Variants in ZNF704 observed in about 807,000 individuals in gnomAD.
ZNF704 encodes the protein glucocorticoid induced gene 1.
In ZNF704, 10 loss-of-function variants were observed where a neutral mutation model predicts 44.7. That is an observed-to-expected ratio of 0.22 (90% CI 0.14 to 0.38). The LOEUF is 0.38. Ranked by LOEUF, ZNF704 falls within the 10% of genes least tolerant of loss-of-function variation. The probability of loss-of-function intolerance (pLI) is 1.00; values close to 1 mark genes in which losing one functional copy is unlikely to be tolerated. For synonymous variants in ZNF704, 211 were observed against 207.6 expected (o/e 1.02, Z -0.14); for missense variants, 390 against 545.5 (o/e 0.71, Z 2.84).
intron 2 of ZNF704, among the ~76,000 whole-genome samples, chr8:80,741,864 T>C (rs1806763598): frequency 6.6e-6 from 1 of 152,132 alleles, no homozygotes; most frequent in African/African-American, 2.4e-5. Context: ...GATAATAGAA[T>C]ACTTGAAAGT....
chr8:80,809,511 T>C (rs1026528011), intron 2 of ZNF704, among the ~76,000 whole-genome samples: 5 of 152,290 alleles, frequency 3.3e-5, no homozygotes, highest in African/African-American at 1.2e-4. Context: ...AAGTGAGTGT[T>C]TGCCAAATCC....
At chr8:80,829,686 G>A (rs936638299) in intron 1 of ZNF704, among the ~76,000 whole-genome samples, 11 of 152,108 alleles carry the variant, frequency 7.2e-5, no homozygotes, top group African/African-American at 2.7e-4. Flanking sequence ...TGTATGTCAT[G>A]CATGCTCTTA....
intron 2 of ZNF704, among the ~76,000 whole-genome samples, chr8:80,817,369 G>A (rs929516640): frequency 1.1e-4 from 17 of 152,348 alleles, no homozygotes; most frequent in African/African-American, 3.8e-4. Context: ...AGCAAATGAT[G>A]GAGTACAGCA....
At chr8:80,682,136 T>A (rs1340717029) in intron 4 of ZNF704, among the ~76,000 whole-genome samples, 1 of 152,204 alleles carries the variant, frequency 6.6e-6, no homozygotes, top group Non-Finnish European at 1.5e-5. Flanking sequence ...GGGTTAGGAA[T>A]TAAGTCAGCA....
rs960421738 is a variant in ZNF704 at position 80,874,174 on chromosome 8, C to T, written c.-22+397G>A. 2.7e-5 allele frequency among the ~76,000 whole-genome samples: 4 copies of T among 146,384 alleles called. No individual in the cohort carries two copies. Among genetic ancestry groups the T allele is most frequent in the African/African-American group, 4.9e-5 (2 of 40,834 alleles). On this transcript the variant is annotated intron_variant, in intron 1 of 8. Transcript: ENST00000327835. This position sits in a 1 kb window ranked among gnomAD's most constrained non-coding sequence, Gnocchi z 4.4. ...GCAAGGGGCTGCAGGAGCCGCCGGC[C>T]AGGACCCGCGGCTGCCACTGGCTGC...
chr8:80,772,962 T>G (rs577414679), intron 2 of ZNF704, among the ~76,000 whole-genome samples: 1 of 152,346 alleles, frequency 6.6e-6, no homozygotes, highest in South Asian at 2.1e-4. Context: ...TTTCATTTAG[T>G]ATAATGCATT....
chr8:80,784,129 T>C (rs1807577670), intron 2 of ZNF704, among the ~76,000 whole-genome samples: 1 of 152,200 alleles, frequency 6.6e-6, no homozygotes, highest in African/African-American at 2.4e-5. Flanking sequence ...CACTGAATGG[T>C]ATTCCATTTC....
Position 80,640,489 on chromosome 8 carries a change from T to C in ZNF704, c.*877A>G, listed in dbSNP as rs369168405. ...AGTAACAAATAGCTCCGAGTTGCCA[T>C]TTGTGTCACATCCCTGAAAGAAGCA... On this transcript the variant is annotated 3_prime_UTR_variant, in exon 9 of 9. Transcript: ENST00000327835. 3.0e-4 allele frequency: 45 copies of C among 152,352 alleles called. No homozygotes were observed. Among genetic ancestry groups the C allele is most frequent in the African/African-American group, 1.1e-3 (45 of 41,430 alleles). 9.4% of individuals were successfully genotyped at this position (152,352 alleles called of 1,614,324 possible). A position where few individuals can be genotyped will look rare whatever the true frequency, so the allele number is the denominator to read the frequency against.
chr8:80,726,299 A>C (rs1792157889), intron 2 of ZNF704, among the ~76,000 whole-genome samples: 1 of 152,176 alleles, frequency 6.6e-6, no homozygotes. Context: ...TCAGCTCTGT[A>C]AAAGCAAGAA....
chr8:80,643,250 T>C (rs1416528967), intron 7 of ZNF704, 121 bp from the exon 8 acceptor site: 3 of 581,008 alleles, frequency 5.2e-6, no homozygotes, highest in Admixed American at 3.7e-5. Flanking sequence ...CCAGGCACGG[T>C]GATTCATACC....
At chr8:80,647,553 TAA>T (rs1817852835) in intron 7 of ZNF704, among the ~76,000 whole-genome samples, 1 of 152,208 alleles carries the variant, frequency 6.6e-6, no homozygotes, top group African/African-American at 2.4e-5. Context: ...GCCCTGGAGT[TAA>T]GAGGCTTTTG....
intron 2 of ZNF704, among the ~76,000 whole-genome samples, chr8:80,706,498 G>A (rs1254521514): frequency 1.3e-5 from 2 of 152,146 alleles, no homozygotes; most frequent in Admixed American, 1.3e-4. Context: ...TTACCTTTTT[G>A]TTTTTTCAAA....
At chr8:80,854,395 A>T (rs1808922698) in intron 1 of ZNF704, among the ~76,000 whole-genome samples, 1 of 152,218 alleles carries the variant, frequency 6.6e-6, no homozygotes, top group Non-Finnish European at 1.5e-5. Flanking sequence ...CAAGGCAAAG[A>T]TTAGAGGGAC....
At chr8:80,686,134 TAA>T (rs1019372782) in intron 4 of ZNF704, among the ~76,000 whole-genome samples, 1 of 152,166 alleles carries the variant, frequency 6.6e-6, no homozygotes, top group African/African-American at 2.4e-5. Context: ...GAAATGTACC[TAA>T]AGAGAATGAA....
intron 1 of ZNF704, among the ~76,000 whole-genome samples, chr8:80,835,725 C>T (rs1041585041): frequency 6.6e-6 from 1 of 152,216 alleles, no homozygotes; most frequent in African/African-American, 2.4e-5. Flanking sequence ...GACTCTTTCA[C>T]AGGACAGAGG....
At chr8:80,705,127 G>A (rs1818875181) in intron 2 of ZNF704, among the ~76,000 whole-genome samples, 1 of 152,214 alleles carries the variant, frequency 6.6e-6, no homozygotes, top group South Asian at 2.1e-4. Flanking sequence ...TGTCAGAAGT[G>A]TGTTGTGGGA....
chr8:80,827,293 C>A (rs1808394865), intron 1 of ZNF704, among the ~76,000 whole-genome samples: 1 of 151,526 alleles, frequency 6.6e-6, no homozygotes. Context: ...AGACAAACAG[C>A]CAAATCATGA....
intron 2 of ZNF704, among the ~76,000 whole-genome samples, chr8:80,750,984 TA>T (rs1224849858): frequency 2.0e-5 from 3 of 152,158 alleles, no homozygotes; most frequent in Non-Finnish European, 2.9e-5. Context: ...TTAGGAAAAA[TA>T]AAAATATTTA....
intron 2 of ZNF704, among the ~76,000 whole-genome samples, chr8:80,811,376 C>A (rs1808079079): frequency 6.6e-6 from 1 of 152,030 alleles, no homozygotes; most frequent in South Asian, 2.1e-4. Flanking sequence ...TACTTAGAAG[C>A]ATTCAGAATG....
Sources: gnomAD v4.1 joint callset for allele counts (sites outside exome capture counted in the v4.1 genomes callset) on GRCh38, gnomAD v4.1.1 for gene constraint, Gnocchi (gnomAD v3.1) non-coding constraint, MANE v1.5 for transcripts, NCBI Gene and HGNC (gene_info 2026-07-23, HGNC 2026-07-21) for gene names.